The following STRIP2 variants were observed in gnomAD, a reference collection of about 807,000 sequenced individuals.
STRIP2 encodes the protein striatin interacting protein 2.
A neutral mutation model predicts 107.1 loss-of-function variants in STRIP2; 84 were observed. The observed-to-expected ratio is 0.78, with a 90% confidence interval of 0.66 to 0.94. The LOEUF is 0.94. Ranked by LOEUF, STRIP2 falls within the 40% of genes least tolerant of loss-of-function variation. The pLI is 0.00. For missense variants in STRIP2, 888 were observed against 1,034.2 expected (o/e 0.86, Z 1.94); for synonymous variants, 394 against 400.4 (o/e 0.98, Z 0.19).
rs1798199234 is a variant in STRIP2 at position 129,451,719 on chromosome 7, G to T, written c.381G>T (p.Val127=). The change falls in exon 4 of 21, where the codon GTG becomes GTT. Residue 127 remains valine, a synonymous_variant. Transcript: ENST00000249344. ...EVVSRERRLK[V]ARAVLYLAQG... The stretch of plus-strand genomic sequence containing the variant: ...TCAGTAGGGAACGGCGGCTGAAGGT[G>T]GCCCGGGCTGTTCTCTACCTGGCCC... 6.2e-7 allele frequency: 1 copy of T among 1,613,784 alleles called. No individual in the cohort carries two copies. Among genetic ancestry groups the T allele is most frequent in the African/African-American group, 1.3e-5 (1 of 74,896 alleles).
intron 18 of STRIP2, among the ~76,000 whole-genome samples, chr7:129,473,908 A>C (rs973276717): frequency 2.0e-5 from 3 of 151,512 alleles, no homozygotes; most frequent in Non-Finnish European, 4.4e-5. Flanking sequence ...TAGTAGAGAC[A>C]GTGTTGTACT....
Position 129,458,381 on chromosome 7 carries a change from C to A in STRIP2, c.1205C>A (p.Pro402His). Residue 402 changes from proline to histidine, a missense_variant, in exon 10 of 21, where the codon CCC (proline) becomes CAC (histidine). By Grantham distance (77) the Pro-to-His change is moderately conservative. Coordinates refer to ENST00000249344, the MANE Select transcript of STRIP2 (RefSeq NM_020704.3). The surrounding 1 kb of genome is among the most constrained non-coding windows in gnomAD (Gnocchi z 4.6). ...CAGGACCCTCTGGTGCCACCTCCAC[C>A]CTCACAGGCACCCCTCTCTGCTGAG... ...LEQDPLVPPP[P>H]SQAPLSAERV... The A allele has an allele frequency of 1.2e-6, 2 of 1,613,732 alleles. No individual in the cohort carries two copies. The highest frequency in any genetic ancestry group is 1.1e-5 in the South Asian group (1 of 90,970).
chr7:129,442,077 T>C (rs1170907735), intron 2 of STRIP2, among the ~76,000 whole-genome samples: 1 of 152,114 alleles, frequency 6.6e-6, no homozygotes, highest in Non-Finnish European at 1.5e-5. Context: ...ATACAAAAAT[T>C]AGCTGGGCAT....
At chr7:129,482,779 G>C (rs1799159307) in intron 19 of STRIP2, 63 bp from the exon 20 acceptor site, 1 of 1,593,106 alleles carries the variant, frequency 6.3e-7, no homozygotes, top group Non-Finnish European at 8.6e-7. Flanking sequence ...GGTTTAATTT[G>C]TCTGTAAACT....
At chr7:129,481,604 T>C (rs2151019929) in intron 19 of STRIP2, among the ~76,000 whole-genome samples, 1 of 151,518 alleles carries the variant, frequency 6.6e-6, no homozygotes, top group South Asian at 2.1e-4. Flanking sequence ...TAATAGAATA[T>C]TATGCAATCA....
In STRIP2 at chr7:129,464,754, C is replaced by T; in HGVS notation, c.1776+16C>T. ...TATCTACCAGGTGAGCAGCTAGGAG[C>T]ACTTCTCCACAGGTCTTGGGTGTTT... On this transcript the variant is annotated intron_variant, in intron 16 of 20. Coordinates refer to ENST00000249344, the MANE Select transcript of STRIP2 (RefSeq NM_020704.3). 6.2e-7 allele frequency: 1 copy of T among 1,614,080 alleles called. No homozygotes were observed. Among genetic ancestry groups the T allele is most frequent in the Non-Finnish European group, 8.5e-7 (1 of 1,179,970 alleles).
In STRIP2 at chr7:129,463,090, A is replaced by G. The variant is rs1171629372; in HGVS notation, c.1551+50A>G. On this transcript the variant is annotated intron_variant, in intron 14 of 20. Coordinates refer to ENST00000249344, the MANE Select transcript of STRIP2 (RefSeq NM_020704.3). ...TGCCCTTCTCTGCTGCAAGGAACAG[A>G]CAGCTAAAAACCATTTCAAGTGGAC... 4 of 1,477,230 alleles carry G rather than the reference A, an allele frequency of 2.7e-6. No individual in the cohort carries two copies. The African/African-American group carries it at 4.2e-5, about 15-fold the overall frequency. The allele number at this position is 1,477,230 out of a possible 1,614,324, so 91.5% of individuals were successfully genotyped here.
At chr7:129,441,944 T>A (rs1401760039) in intron 2 of STRIP2, among the ~76,000 whole-genome samples, 1 of 152,318 alleles carries the variant, frequency 6.6e-6, no homozygotes, top group Admixed American at 6.5e-5. Flanking sequence ...AATAAATGCT[T>A]GGCCAGGTAC....
chr7:129,479,584 G>A (rs1799065721), intron 18 of STRIP2, among the ~76,000 whole-genome samples: 1 of 150,482 alleles, frequency 6.6e-6, no homozygotes, highest in Non-Finnish European at 1.5e-5. Context: ...CTGCCTCCTG[G>A]GTTCAAGTGA....
At chr7:129,449,887 G>A (rs573643509) in intron 3 of STRIP2, among the ~76,000 whole-genome samples, 3 of 152,302 alleles carry the variant, frequency 2.0e-5, no homozygotes, top group African/African-American at 4.8e-5. Flanking sequence ...CAGAATCCCT[G>A]AGTTCATCAT....
At chr7:129,466,284 C>A (rs1204968178) in intron 16 of STRIP2, among the ~76,000 whole-genome samples, 2 of 152,052 alleles carry the variant, frequency 1.3e-5, no homozygotes, top group Non-Finnish European at 2.9e-5. Flanking sequence ...TATGTGTTGG[C>A]TCTTTTGTCT....
chr7:129,453,482 A>C (rs1798255584), intron 5 of STRIP2, 135 bp downstream of exon 5: 405 of 1,103,510 alleles, frequency 3.7e-4, no homozygotes, highest in Non-Finnish European at 4.8e-4. Flanking sequence ...CCCAAAGCTC[A>C]TTGACAGTTC....
At chr7:129,437,580 A>G (rs1797776611) in intron 1 of STRIP2, among the ~76,000 whole-genome samples, 1 of 152,152 alleles carries the variant, frequency 6.6e-6, no homozygotes, top group South Asian at 2.1e-4. Context: ...CATTTTTCCA[A>G]AAAGTTTGAA....
At chr7:129,437,115 C>T (rs1797761514) in intron 1 of STRIP2, among the ~76,000 whole-genome samples, 2 of 152,080 alleles carry the variant, frequency 1.3e-5, no homozygotes, top group Admixed American at 1.3e-4. Flanking sequence ...CTATAGGGGG[C>T]AACCTGTTAA....
In STRIP2 at chr7:129,451,056, C is replaced by G. The variant is rs375298075; in HGVS notation, c.275-557C>G. On this transcript the variant is annotated intron_variant, in intron 3 of 20. Transcript: ENST00000249344. ...GGTTCACGCCATTCTCCTGCCTCAG[C>G]CTCCCAAGTAGCTGGGACTACAGGC... Among the ~76,000 whole-genome samples, 10 of 145,704 alleles carry G rather than the reference C, an allele frequency of 6.9e-5. No individual in the cohort carries two copies. In the East Asian group the frequency reaches 2.1e-3, roughly 31 times the overall value.
intron 3 of STRIP2, among the ~76,000 whole-genome samples, chr7:129,449,616 G>A (rs1462701629): frequency 6.6e-6 from 1 of 152,172 alleles, no homozygotes; most frequent in Non-Finnish European, 1.5e-5. Context: ...AACTCAGTGT[G>A]CCCAGCTTCA....
At chr7:129,441,803 A>G (rs1313605685) in intron 2 of STRIP2, among the ~76,000 whole-genome samples, 1 of 151,932 alleles carries the variant, frequency 6.6e-6, no homozygotes, top group Non-Finnish European at 1.5e-5. Flanking sequence ...TTTTGTAGAA[A>G]CAGAGTCTCA....
chr7:129,484,026 G>A (rs1269147069), intron 20 of STRIP2, among the ~76,000 whole-genome samples: 3 of 152,166 alleles, frequency 2.0e-5, no homozygotes, highest in Non-Finnish European at 4.4e-5. Context: ...GATTACAGGT[G>A]TAAGCCACCG....
rs113916164 is a variant in STRIP2 at position 129,472,861 on chromosome 7, A to G, written c.1944+2146A>G. 7.3e-3 allele frequency among the ~76,000 whole-genome samples: 940 copies of G among 128,644 alleles called. 11 individuals are homozygous for G. The highest frequency in any genetic ancestry group is 0.027 in the African/African-American group (907 of 33,312). 84.4% of individuals were successfully genotyped at this position (128,644 alleles called of 152,430 possible). ...GAATGCAGTGGTGTGATCTCAGCTC[A>G]CTGAAACCTCTGCCTCGTGAGTCCA... On this transcript the variant is annotated intron_variant, in intron 18 of 20. Coordinates refer to ENST00000249344, the MANE Select transcript of STRIP2 (RefSeq NM_020704.3).
Sources: gnomAD v4.1 joint callset for allele counts (sites outside exome capture counted in the v4.1 genomes callset) on GRCh38, gnomAD v4.1.1 for gene constraint, Gnocchi (gnomAD v3.1) non-coding constraint, MANE v1.5 for transcripts, NCBI Gene and HGNC (gene_info 2026-07-23, HGNC 2026-07-21) for gene names.